Variants in LEF1 observed in about 807,000 individuals in gnomAD.
LEF1 encodes lymphoid enhancer binding factor 1.
A neutral mutation model predicts 51.2 loss-of-function variants in LEF1; 14 were observed. The observed-to-expected ratio is 0.27, with a 90% CI of 0.18 to 0.43. The LOEUF (loss-of-function observed/expected upper bound fraction) is 0.43, where lower values mean the gene tolerates loss of function less well. Among genes scored for constraint, LEF1 ranks in the 20% least tolerant of loss-of-function variants. The pLI, the probability that LEF1 is intolerant of heterozygous loss-of-function variation, is 1.00. For missense variants in LEF1, 386 were observed against 512.0 expected (o/e 0.75, Z 2.37); for synonymous variants, 185 against 183.2 (o/e 1.01, Z -0.08).
chr4:108,083,502 A>T, intron 4 of LEF1, 56 bp from the exon 5 acceptor site: 1 of 1,111,208 alleles, frequency 9.0e-7, no homozygotes, highest in Non-Finnish European at 1.3e-6. Context: ...TTTAACCAGA[A>T]ATGCAACTAC....
In LEF1 at chr4:108,167,628, T is replaced by C. The variant is rs1745497192; in HGVS notation, c.140A>G (p.Glu47Gly). 1 of 1,614,078 alleles carries C rather than the reference T, an allele frequency of 6.2e-7. No individual in the cohort carries two copies. The highest frequency in any genetic ancestry group is 1.3e-5 in the African/African-American group (1 of 74,922). The stretch of plus-strand genomic sequence containing the variant: ...AGACTTGATGTCAGCTAAATCGCCT[T>C]CCTCTTCGGGATGACTGATCTCGGC... Reference protein sequence around the residue: ...IFAEISHPEEEGDLADIKSSL... With the variant: ...IFAEISHPEEGGDLADIKSSL... Residue 47 changes from glutamate to glycine, a missense_variant, in exon 1 of 12, where the codon GAA becomes GGA. By Grantham distance (98) the Glu-to-Gly change is moderately conservative. Around this residue, in one of 2 missense-constraint regions of LEF1, gnomAD observed 335 missense variants for 390.7 expected, o/e 0.86. Transcript: ENST00000265165. The surrounding 1 kb of genome is among the most constrained non-coding windows in gnomAD (Gnocchi z 5.7).
intron 3 of LEF1, among the ~76,000 whole-genome samples, chr4:108,157,175 T>TACACACACACACACACACAC (rs1425931310): frequency 5.2e-5 from 3 of 57,468 alleles, no homozygotes; most frequent in Non-Finnish European, 1.1e-4. Context: ...TCTCTATATA[T>TACACACACACACACACACAC]ATATACACAC....
intron 11 of LEF1, among the ~76,000 whole-genome samples, chr4:108,057,902 C>A: frequency 6.7e-6 from 1 of 148,746 alleles, no homozygotes; most frequent in Non-Finnish European, 1.5e-5. Flanking sequence ...GAGACGGAGT[C>A]TCTCACTGTC....
intron 5 of LEF1, 47 bp downstream of exon 5, chr4:108,083,309 G>A (rs2126291446): frequency 1.6e-6 from 2 of 1,228,764 alleles, no homozygotes; most frequent in East Asian, 4.6e-5. Flanking sequence ...GAAAGTGGAG[G>A]AACATGTGTT....
chr4:108,052,574 T>G (rs1171264541), intron 11 of LEF1, among the ~76,000 whole-genome samples: 1 of 152,224 alleles, frequency 6.6e-6, no homozygotes, highest in Non-Finnish European at 1.5e-5. Context: ...ACTCTTCTGC[T>G]GCACAATGTC....
At chr4:108,125,164 T>A (rs1742445099) in intron 3 of LEF1, among the ~76,000 whole-genome samples, 1 of 152,090 alleles carries the variant, frequency 6.6e-6, no homozygotes, top group African/African-American at 2.4e-5. Flanking sequence ...ATTTATTTAT[T>A]TTTATTTATT....
Position 108,048,526 on chromosome 4 carries a change from T to C in LEF1, c.*232A>G. On this transcript the variant is annotated 3_prime_UTR_variant, in exon 12 of 12. Coordinates refer to ENST00000265165, the MANE Select transcript of LEF1 (RefSeq NM_016269.5). ...TAAAAAACCTTTTTATGCTTTATTT[T>C]GGAACTTGGCTCTTGCAGTAGACGA... The C allele has an allele frequency of 6.5e-6, 3 of 464,176 alleles. No homozygotes were observed. Among genetic ancestry groups the C allele is most frequent in the Non-Finnish European group, 7.6e-6 (2 of 262,152 alleles). 28.8% of individuals were successfully genotyped at this position (464,176 alleles called of 1,614,324 possible).
At chr4:108,137,140 A>G (rs1307616014) in intron 3 of LEF1, among the ~76,000 whole-genome samples, 1 of 152,228 alleles carries the variant, frequency 6.6e-6, no homozygotes, top group African/African-American at 2.4e-5. Flanking sequence ...ATAGTTTTTT[A>G]AATAGTTATT....
chr4:108,136,569 T>C (rs1743280424), intron 3 of LEF1, among the ~76,000 whole-genome samples: 1 of 151,906 alleles, frequency 6.6e-6, no homozygotes, highest in Non-Finnish European at 1.5e-5. Context: ...GCAATACATA[T>C]GATCAAATGC....
At chr4:108,114,287 T>C (rs1560800124) in intron 3 of LEF1, among the ~76,000 whole-genome samples, 1 of 152,170 alleles carries the variant, frequency 6.6e-6, no homozygotes, top group Non-Finnish European at 1.5e-5. Context: ...AGTAAAGGAA[T>C]CTGTAACAAG....
intron 3 of LEF1, 61 bp downstream of exon 3, chr4:108,163,507 G>C: frequency 4.5e-6 from 7 of 1,555,856 alleles, no homozygotes; most frequent in Non-Finnish European, 6.1e-6. Flanking sequence ...TAAACATTCT[G>C]CCAAAATACA....
intron 3 of LEF1, among the ~76,000 whole-genome samples, chr4:108,120,724 A>G (rs1742121851): frequency 6.6e-6 from 1 of 152,204 alleles, no homozygotes; most frequent in Admixed American, 6.5e-5. Context: ...GATTTTCCCA[A>G]TGTTTACCTG....
Position 108,120,835 on chromosome 4 carries a change from A to T in LEF1, c.415-31578T>A, listed in dbSNP as rs146058647. Among the ~76,000 whole-genome samples, 29 of 152,378 alleles carry T rather than the reference A, an allele frequency of 1.9e-4. No individual in the cohort carries two copies. The East Asian group carries it at 5.6e-3, about 29-fold the overall frequency. ...AAAGCTGTCAAGCTTATGTTGCGGA[A>T]TACAAGATTTCCAAAATTCTAATTT... On this transcript the variant is annotated intron_variant, in intron 3 of 11. Coordinates refer to ENST00000265165, the MANE Select transcript of LEF1 (RefSeq NM_016269.5).
chr4:108,167,459 C>G lies in LEF1; in HGVS notation c.213+96G>C. The stretch of plus-strand genomic sequence containing the variant: ...AAACGAGGGATCTACTCGGGACCCT[C>G]AGCCGGGCGGCCGGGCGCCTTCGTT... On this transcript the variant is annotated intron_variant, in intron 1 of 11. Coordinates refer to ENST00000265165, the MANE Select transcript of LEF1 (RefSeq NM_016269.5). This position sits in a 1 kb window ranked among gnomAD's most constrained non-coding sequence, Gnocchi z 5.7. 7.9e-7 allele frequency: 1 copy of G among 1,264,852 alleles called. No individual in the cohort carries two copies. The highest frequency in any genetic ancestry group is 1.1e-6 in the Non-Finnish European group (1 of 887,622). 78.4% of individuals were successfully genotyped at this position (1,264,852 alleles called of 1,614,324 possible).
intron 3 of LEF1, among the ~76,000 whole-genome samples, chr4:108,118,533 T>C (rs919207475): frequency 8.5e-5 from 13 of 152,374 alleles, no homozygotes; most frequent in African/African-American, 3.1e-4. Context: ...TACTTCTAAA[T>C]ATCTATGTAA....
chr4:108,055,267 G>T (rs1367667820), intron 11 of LEF1, among the ~76,000 whole-genome samples: 2 of 152,122 alleles, frequency 1.3e-5, no homozygotes, highest in African/African-American at 4.8e-5. Flanking sequence ...AGCCACAAAA[G>T]AATTATTAAA....
intron 3 of LEF1, among the ~76,000 whole-genome samples, chr4:108,125,003 G>GT (rs746309116): frequency 2.6e-5 from 4 of 152,216 alleles, no homozygotes; most frequent in Admixed American, 1.3e-4. Flanking sequence ...ATCATATAGA[G>GT]TTTAGCTCAT....
At chr4:108,108,065 G>A (rs1361783182) in intron 3 of LEF1, among the ~76,000 whole-genome samples, 1 of 152,190 alleles carries the variant, frequency 6.6e-6, no homozygotes, top group African/African-American at 2.4e-5. Context: ...AGTGAGGCTG[G>A]TCTTCGCTTT....
chr4:108,075,279 T>G (rs1215253812), intron 8 of LEF1: 2 of 152,220 alleles, frequency 1.3e-5, no homozygotes, highest in Non-Finnish European at 2.9e-5. Context: ...GAATCGATAA[T>G]GTAAGAGGGC....
Sources: allele counts gnomAD v4.1 joint callset (sites outside exome capture counted in the v4.1 genomes callset), GRCh38; gene constraint gnomAD v4.1.1; regional missense constraint gnomAD v4.1.1; non-coding constraint Gnocchi (gnomAD v3.1); transcripts MANE v1.5; gene names NCBI Gene and HGNC (gene_info 2026-07-23, HGNC 2026-07-21).